The following SMARCA5 variants were observed in gnomAD, a reference collection of about 807,000 sequenced individuals.
SMARCA5 encodes SWI/SNF-related matrix-associated actin-dependent regulator of chromatin subfamily A member 5.
SMARCA5 carries 18 observed loss-of-function variants against 140.4 expected under a neutral mutation model. That is an observed-to-expected ratio of 0.13 (90% CI 0.09 to 0.19). The LOEUF is 0.19. SMARCA5 is among the 10% of genes least tolerant of loss of function. The pLI is 1.00. For missense variants in SMARCA5, 606 were observed against 1,276.8 expected, an observed-to-expected ratio of 0.47 and a Z score of 8.01; for synonymous variants, 449 against 419.6, an observed-to-expected ratio of 1.07 and a Z score of -0.86.
At chr4:143,522,633 C>G (rs374402043) in intron 3 of SMARCA5, among the ~76,000 whole-genome samples, 1 of 151,998 alleles carries the variant, frequency 6.6e-6, no homozygotes, top group Non-Finnish European at 1.5e-5. Flanking sequence ...TTAATACTTA[C>G]GAAACTTTGA....
intron 2 of SMARCA5, among the ~76,000 whole-genome samples, chr4:143,518,523 T>C (rs28585000): frequency 0.22 from 34,201 of 152,060 alleles, 4,244 homozygotes; most frequent in East Asian, 0.6. Flanking sequence ...ATAGCAGATC[T>C]TACATATTTT....
At position 143,533,690 on chromosome 4, in the gene SMARCA5, A is replaced by T. The variant is rs550359184; in HGVS notation, c.1159-1165A>T. Among the ~76,000 whole-genome samples, 7 of 151,782 alleles carry T rather than the reference A, an allele frequency of 4.6e-5. No homozygotes were observed. The South Asian group carries it at 1.5e-3, about 32-fold the overall frequency. On this transcript the variant is annotated intron_variant, in intron 9 of 23. Transcript: ENST00000283131. ...GCCTGGCTAATTTTTTGTATTTTTA[A>T]TAGAGACGGGGTTTCACCATGTTAG...
intron 3 of SMARCA5, among the ~76,000 whole-genome samples, chr4:143,522,548 A>G (rs900886476): frequency 3.3e-5 from 5 of 152,256 alleles, no homozygotes; most frequent in African/African-American, 1.2e-4. Context: ...CGTTGTAAGC[A>G]TAATACCTTT....
rs369690407 is a variant in SMARCA5, at chr4:143,521,063, A to T, written c.253-366A>T. ...GACATAAAATAATTTTAAGTTTGTA[A>T]TTCAATGAGTTTTAGCAAATATTTC... On this transcript the variant is annotated intron_variant, in intron 2 of 23. Transcript: ENST00000283131. Among the ~76,000 whole-genome samples the T allele has an allele frequency of 3.3e-5, 5 of 152,328 alleles. No individual in the cohort carries two copies. The East Asian group carries it at 7.7e-4, about 24-fold the overall frequency.
chr4:143,536,886 C>T (rs1320614396), intron 11 of SMARCA5, among the ~76,000 whole-genome samples: 1 of 152,046 alleles, frequency 6.6e-6, no homozygotes, highest in Non-Finnish European at 1.5e-5. Context: ...GTTAGAGCAA[C>T]CATACTCCCT....
chr4:143,546,176 A>G (rs1350432550), intron 19 of SMARCA5, 129 bp downstream of exon 19: 1 of 599,580 alleles, frequency 1.7e-6, no homozygotes, highest in Non-Finnish European at 2.7e-6. Flanking sequence ...ACAATAAAGT[A>G]TGGGCATGTG....
chr4:143,524,217 G>A lies in SMARCA5; in HGVS notation c.420-150G>A, dbSNP rs3792658. On this transcript the variant is annotated intron_variant, in intron 3 of 23. Coordinates refer to ENST00000283131, the MANE Select transcript of SMARCA5 (RefSeq NM_003601.4). Reference sequence around the variant, plus strand: ...TATTTAAAACATTGCAGATTTAAATGTACTCATATTTTCTACTGTCCACTG... The same window carrying A: ...TATTTAAAACATTGCAGATTTAAATATACTCATATTTTCTACTGTCCACTG... The A allele has an allele frequency of 1.2e-3, 593 of 501,236 alleles. 9 individuals carry two copies. In the East Asian group the frequency reaches 0.018, roughly 15 times the overall value. The allele number at this position is 501,236 out of a possible 1,614,324, so 31.0% of individuals were successfully genotyped here.
At chr4:143,527,762 C>T in intron 6 of SMARCA5, 106 bp from the exon 7 acceptor site, 1 of 958,296 alleles carries the variant, frequency 1.0e-6, no homozygotes, top group South Asian at 1.6e-5. Flanking sequence ...TACTCTACTC[C>T]TTTTTAGTAT....
chr4:143,526,467 T>C lies in SMARCA5; in HGVS notation c.801+7T>C. ...AGGAGATAAAGAACAAAGAGTAAGT[T>C]TCTAGTATTTCATTACATTTTTGAG... On this transcript the variant is annotated splice_region_variant and intron_variant, in intron 6 of 23. Coordinates refer to ENST00000283131, the MANE Select transcript of SMARCA5 (RefSeq NM_003601.4). The C allele has an allele frequency of 6.3e-7, 1 of 1,586,540 alleles. No homozygotes were observed. The highest frequency in any genetic ancestry group is 8.6e-7 in the Non-Finnish European group (1 of 1,159,848).
rs974594220 is a variant in SMARCA5, at chr4:143,555,258, T to A, written c.*2074T>A. 2.6e-5 allele frequency: 22 copies of A among 861,850 alleles called. No homozygotes were observed. In the Admixed American group the frequency reaches 3.3e-4, roughly 13 times the overall value. 53.4% of individuals were successfully genotyped at this position (861,850 alleles called of 1,614,324 possible). ...TTTCCTCCCTTCATGGGTCCAAAATTTGAAGACTGATTGTTGTCATTGCCA... is the reference window on the plus strand; with the variant it reads ...TTTCCTCCCTTCATGGGTCCAAAATATGAAGACTGATTGTTGTCATTGCCA... On this transcript the variant is annotated 3_prime_UTR_variant, in exon 24 of 24. Transcript: ENST00000283131.
intron 18 of SMARCA5, 121 bp from the exon 19 acceptor site, chr4:143,545,804 T>A: frequency 2.1e-6 from 2 of 969,280 alleles, no homozygotes; most frequent in South Asian, 2.9e-5. Flanking sequence ...ACATAATACA[T>A]GCAATGTATC....
At chr4:143,524,276 T>A (rs1164162265) in intron 3 of SMARCA5, 91 bp from the exon 4 acceptor site, 6 of 780,274 alleles carry the variant, frequency 7.7e-6, no homozygotes, top group Non-Finnish European at 1.2e-5. Context: ...TTTTGTGGAA[T>A]CTTGGTCAGC....
In SMARCA5 at chr4:143,534,926, A is replaced by G; in HGVS notation, c.1230A>G (p.Val410=). 2 of 1,613,296 alleles carry G rather than the reference A, an allele frequency of 1.2e-6. No individual in the cohort carries two copies. Among genetic ancestry groups the G allele is most frequent in the Admixed American group, 1.7e-5 (1 of 59,894 alleles). ...VEKSLPPKKE[V]KIYVGLSKMQ... The stretch of plus-strand genomic sequence containing the variant: ...AGAGTTTGCCTCCAAAGAAGGAAGT[A>G]AAAATCTATGTGGGCCTCAGCAAAA... The change falls in exon 10 of 24, where the codon GTA becomes GTG. Residue 410 remains valine, a synonymous_variant. Coordinates refer to ENST00000283131, the MANE Select transcript of SMARCA5 (RefSeq NM_003601.4).
At chr4:143,514,186 A>T in intron 1 of SMARCA5, 85 bp downstream of exon 1, 1 of 1,298,600 alleles carries the variant, frequency 7.7e-7, no homozygotes, top group South Asian at 1.5e-5. Context: ...TCGGACGCAG[A>T]GCCGGGTTTC....
At chr4:143,526,734 A>G (rs1026454580) in intron 6 of SMARCA5, among the ~76,000 whole-genome samples, 4 of 152,012 alleles carry the variant, frequency 2.6e-5, no homozygotes, top group Non-Finnish European at 4.4e-5. Flanking sequence ...GGTGGCACGC[A>G]TGGCCTGTAG....
chr4:143,551,215 AATC>A (rs1319307384), intron 23 of SMARCA5, among the ~76,000 whole-genome samples: 1 of 152,112 alleles, frequency 6.6e-6, no homozygotes, highest in Non-Finnish European at 1.5e-5. Context: ...TTCCTTTGAG[AATC>A]ATCTGTTCAG....
chr4:143,514,373 T>C (rs1470997465), intron 1 of SMARCA5: 1 of 412,092 alleles, frequency 2.4e-6, no homozygotes, highest in Non-Finnish European at 4.3e-6. Flanking sequence ...AGTGAACAGA[T>C]GTTCTTGGTT....
chr4:143,532,779 C>A (rs1052440247), intron 9 of SMARCA5, among the ~76,000 whole-genome samples: 2 of 151,136 alleles, frequency 1.3e-5, no homozygotes, highest in South Asian at 2.1e-4. Flanking sequence ...TTATTAACAA[C>A]CCCAGAATTT....
At chr4:143,539,756 G>A (rs1737391404) in intron 13 of SMARCA5, among the ~76,000 whole-genome samples, 2 of 152,032 alleles carry the variant, frequency 1.3e-5, no homozygotes, top group Admixed American at 6.6e-5. Context: ...GGCTGGTCTC[G>A]AACTCCTCAC....
Sources: allele counts gnomAD v4.1 joint callset (sites outside exome capture counted in the v4.1 genomes callset), GRCh38; gene constraint gnomAD v4.1.1; transcripts MANE v1.5; gene names NCBI Gene and HGNC (gene_info 2026-07-23, HGNC 2026-07-21).